The following FRMPD3 variants were observed in gnomAD, a reference collection of about 807,000 sequenced individuals.
The protein encoded by FRMPD3 is FERM and PDZ domain-containing protein 3.
In FRMPD3, 42 loss-of-function variants were observed where a neutral mutation model predicts 97.9. The ratio of observed to expected loss-of-function variants is 0.43; its 90% CI spans 0.34 to 0.55. FRMPD3 has a LOEUF of 0.55. Ranked by LOEUF, FRMPD3 falls within the 20% of genes least tolerant of loss-of-function variation. FRMPD3 has a pLI of 0.03. For missense variants in FRMPD3, 1,303 were observed against 1,457.7 expected, an observed-to-expected ratio of 0.89 and a Z score of 1.73; for synonymous variants, 577 against 581.1, an observed-to-expected ratio of 0.99 and a Z score of 0.10.
intron 1 of FRMPD3, among the ~76,000 whole-genome samples, chrX:107,515,924 T>C (rs186686891): frequency 0.016 from 1,730 of 111,029 alleles, 44 homozygotes; most frequent in African/African-American, 0.054. Flanking sequence ...GTGCACAACG[T>C]GCAGGTTAGT....
At chrX:107,560,692 C>T in intron 9 of FRMPD3, 35 bp from the exon 10 acceptor site, 1 of 1,149,639 alleles carries the variant, frequency 8.7e-7, no homozygotes, top group Non-Finnish European at 1.2e-6. Flanking sequence ...CACTTTGCCT[C>T]TCTCACTAAT....
intron 1 of FRMPD3, among the ~76,000 whole-genome samples, chrX:107,521,628 A>C (rs769140353): frequency 5.3e-5 from 6 of 112,386 alleles, no homozygotes; most frequent in Non-Finnish European, 1.1e-4. Context: ...CTCTGCCACC[A>C]GGGGAATGTT....
intron 10 of FRMPD3, among the ~76,000 whole-genome samples, chrX:107,561,381 C>T (rs760049247): frequency 9.0e-6 from 1 of 111,661 alleles, no homozygotes; most frequent in African/African-American, 3.3e-5. Flanking sequence ...GGAAATGTAC[C>T]TCTGTACCTC....
At chrX:107,558,574 G>T (rs752953843) in intron 8 of FRMPD3, among the ~76,000 whole-genome samples, 8 of 111,093 alleles carry the variant, frequency 7.2e-5, no homozygotes, top group African/African-American at 9.8e-5. Flanking sequence ...ATATCTACAG[G>T]TTCCATATTT....
intron 13 of FRMPD3, among the ~76,000 whole-genome samples, chrX:107,596,991 A>G (rs1260893262): frequency 9.0e-6 from 1 of 111,611 alleles, no homozygotes; most frequent in African/African-American, 3.3e-5. Flanking sequence ...GATAGAGGGT[A>G]TCCATGTAAG....
intron 12 of FRMPD3, among the ~76,000 whole-genome samples, chrX:107,573,236 G>A (rs1434596031): frequency 9.0e-6 from 1 of 111,632 alleles, no homozygotes; most frequent in African/African-American, 3.3e-5. Context: ...CTGGCAGGAA[G>A]ATGATAAGGT....
At chrX:107,460,131 G>A (rs903731240) in intron 1 of FRMPD3, among the ~76,000 whole-genome samples, 1 of 111,271 alleles carries the variant, frequency 9.0e-6, no homozygotes, top group African/African-American at 3.3e-5. Flanking sequence ...GACTAGGGTA[G>A]TTTGTATGTT....
chrX:107,553,393 A>T (rs1401679174), intron 7 of FRMPD3, among the ~76,000 whole-genome samples: 6 of 107,352 alleles, frequency 5.6e-5, no homozygotes, highest in Non-Finnish European at 1.2e-4. Context: ...AATAGGCGGC[A>T]TGTCACCCAC....
intron 4 of FRMPD3, 42 bp from the exon 5 acceptor site, chrX:107,545,695 C>T (rs1360331374): frequency 6.4e-6 from 7 of 1,085,322 alleles, no homozygotes; most frequent in Non-Finnish European, 8.9e-6. Flanking sequence ...TTAGGCTTTC[C>T]CTAGATATGG....
intron 13 of FRMPD3, among the ~76,000 whole-genome samples, chrX:107,588,119 C>G (rs764917643): frequency 1.8e-5 from 2 of 111,695 alleles, no homozygotes; most frequent in African/African-American, 6.5e-5. Context: ...GCTAAGAGGT[C>G]TGCTGTTAGT....
At chrX:107,552,717 C>T in intron 6 of FRMPD3, 78 bp from the exon 7 acceptor site, 1 of 1,073,032 alleles carries the variant, frequency 9.3e-7, no homozygotes, top group South Asian at 2.2e-5. Context: ...GTGTTTAATC[C>T]CCCCTCCCAT....
chrX:107,481,606 G>C (rs1437956794), intron 1 of FRMPD3, among the ~76,000 whole-genome samples: 5 of 112,089 alleles, frequency 4.5e-5, no homozygotes, highest in Non-Finnish European at 9.4e-5. Flanking sequence ...GCAAGAGAGA[G>C]GGAGAGCTAG....
intron 1 of FRMPD3, among the ~76,000 whole-genome samples, chrX:107,507,563 G>A (rs1273152894): frequency 1.8e-5 from 2 of 112,089 alleles, no homozygotes; most frequent in Non-Finnish European, 3.8e-5. Context: ...CTTCCATGGG[G>A]CCGGGATACC....
chrX:107,473,850 G>A (rs1921127507), intron 1 of FRMPD3, among the ~76,000 whole-genome samples: 1 of 112,299 alleles, frequency 8.9e-6, no homozygotes, highest in South Asian at 3.7e-4. Flanking sequence ...TTGGGAGGCC[G>A]AGGCGGGTGG....
chrX:107,601,158 G>A lies in FRMPD3; in HGVS notation c.3119G>A (p.Ser1040Asn), dbSNP rs1262118772. The change falls in exon 15 of 15, where the codon AGC becomes AAC. Residue 1040 changes from serine to asparagine, a missense_variant. Ser to Asn is a conservative substitution (Grantham distance 46, BLOSUM62 1). Transcript: ENST00000683843. ...VSSSPRAPTG[S>N]RADSLHLSQQ... Reference sequence around the variant, plus strand: ...TCCAGCCCCAGAGCACCCACAGGCAGCCGGGCTGACAGCCTGCACCTCTCC... The same window carrying A: ...TCCAGCCCCAGAGCACCCACAGGCAACCGGGCTGACAGCCTGCACCTCTCC... 2.5e-6 allele frequency: 3 copies of A among 1,210,810 alleles called. No individual in the cohort carries two copies. Among genetic ancestry groups the A allele is most frequent in the Non-Finnish European group, 3.4e-6 (3 of 895,303 alleles).
intron 1 of FRMPD3, among the ~76,000 whole-genome samples, chrX:107,503,051 G>C (rs921040066): frequency 1.8e-5 from 2 of 111,674 alleles, no homozygotes; most frequent in African/African-American, 6.5e-5. Flanking sequence ...AATTAGTCAT[G>C]GGGGGAATGG....
chrX:107,541,564 T>A (rs1201518523), intron 4 of FRMPD3, among the ~76,000 whole-genome samples: 1 of 112,771 alleles, frequency 8.9e-6, no homozygotes, highest in Non-Finnish European at 1.9e-5. Context: ...TCCTCCTTTG[T>A]GGTTTGTGCC....
At chrX:107,589,321 T>A (rs1343768174) in intron 13 of FRMPD3, among the ~76,000 whole-genome samples, 1 of 111,406 alleles carries the variant, frequency 9.0e-6, no homozygotes, top group Admixed American at 9.6e-5. Context: ...GCTTTCTGTT[T>A]GTTTTTCTTT....
chrX:107,509,238 C>A (rs1014302557), intron 1 of FRMPD3, among the ~76,000 whole-genome samples: 27 of 112,649 alleles, frequency 2.4e-4, no homozygotes, highest in African/African-American at 7.7e-4. Context: ...TCCGCAAAGA[C>A]CCTCTTCAAT....
Sources: gnomAD v4.1 joint callset for allele counts (sites outside exome capture counted in the v4.1 genomes callset) on GRCh38, gnomAD v4.1.1 for gene constraint, MANE v1.5 for transcripts, NCBI Gene and HGNC (gene_info 2026-07-23, HGNC 2026-07-21) for gene names.